Variants in CNTNAP5 observed in about 807,000 individuals in gnomAD.
The protein encoded by CNTNAP5 is contactin associated protein family member 5.
Under a neutral mutation model 150.2 loss-of-function variants are expected in CNTNAP5, and 72 were observed. The observed-to-expected ratio is 0.48, with a 90% CI of 0.40 to 0.58. The LOEUF (loss-of-function observed/expected upper bound fraction) is 0.58, where lower values mean the gene tolerates loss of function less well. CNTNAP5 is among the 20% of genes least tolerant of loss of function. The probability of loss-of-function intolerance (pLI) is 0.00; values close to 1 mark genes in which losing one functional copy is unlikely to be tolerated. For synonymous variants in CNTNAP5, 672 were observed against 619.8 expected, an observed-to-expected ratio of 1.08 and a Z score of -1.25; for missense variants, 1,636 against 1,626.2, an observed-to-expected ratio of 1.01 and a Z score of -0.10.
chr2:124,161,499 T>C (rs1306208769), intron 1 of CNTNAP5, among the ~76,000 whole-genome samples: 1 of 152,156 alleles, frequency 6.6e-6, no homozygotes. Flanking sequence ...TAGAGGCTAT[T>C]AGCAGTCAGC....
At chr2:124,766,295 G>A (rs901502391) in intron 16 of CNTNAP5, among the ~76,000 whole-genome samples, 16 of 151,854 alleles carry the variant, frequency 1.1e-4, no homozygotes, top group African/African-American at 3.9e-4. Flanking sequence ...GTTTGATTGA[G>A]GCAATTGACC....
chr2:124,896,762 C>G (rs1351134254), intron 21 of CNTNAP5, among the ~76,000 whole-genome samples: 1 of 151,438 alleles, frequency 6.6e-6, no homozygotes, highest in Non-Finnish European at 1.5e-5. Context: ...TGGTCTCGAA[C>G]TCATGACTTC....
chr2:124,227,899 C>T (rs1037424109), intron 2 of CNTNAP5, among the ~76,000 whole-genome samples: 1 of 151,884 alleles, frequency 6.6e-6, no homozygotes, highest in African/African-American at 2.4e-5. Context: ...TACACATACA[C>T]ATACACACAC....
chr2:124,051,307 G>C (rs1025490430), intron 1 of CNTNAP5, among the ~76,000 whole-genome samples: 1 of 152,132 alleles, frequency 6.6e-6, no homozygotes, highest in Non-Finnish European at 1.5e-5. Flanking sequence ...TCTGATGCAG[G>C]CTCCACTCTA....
chr2:124,527,115 A>G (rs890286544), intron 9 of CNTNAP5, among the ~76,000 whole-genome samples, 170 bp from the exon 10 acceptor site: 2 of 152,160 alleles, frequency 1.3e-5, no homozygotes, highest in East Asian at 3.9e-4. Flanking sequence ...ATTTTGTACC[A>G]ATTCTGTCCC....
At chr2:124,343,367 A>C (rs1359502675) in intron 3 of CNTNAP5, among the ~76,000 whole-genome samples, 1 of 152,314 alleles carries the variant, frequency 6.6e-6, no homozygotes, top group Admixed American at 6.5e-5. Flanking sequence ...ATGTTTTCAT[A>C]TAATTTAACA....
intron 4 of CNTNAP5, among the ~76,000 whole-genome samples, chr2:124,428,695 G>A (rs1257335345): frequency 6.7e-6 from 1 of 149,592 alleles, no homozygotes; most frequent in African/African-American, 2.5e-5. Context: ...TTGAGCTTTG[G>A]TTTTCCTACT....
chr2:124,760,333 G>T (rs976492627), intron 14 of CNTNAP5, among the ~76,000 whole-genome samples: 5 of 151,930 alleles, frequency 3.3e-5, no homozygotes, highest in African/African-American at 1.2e-4. Flanking sequence ...AAAACCCACT[G>T]TAATTTTTAA....
At chr2:124,129,682 C>T (rs1379438310) in intron 1 of CNTNAP5, among the ~76,000 whole-genome samples, 1 of 152,154 alleles carries the variant, frequency 6.6e-6, no homozygotes, top group Admixed American at 6.6e-5. Flanking sequence ...ATAGGCACAT[C>T]TTGCCCCAAC....
intron 5 of CNTNAP5, among the ~76,000 whole-genome samples, chr2:124,436,459 A>G (rs1220634969): frequency 1.3e-5 from 2 of 152,064 alleles, no homozygotes; most frequent in Non-Finnish European, 2.9e-5. Flanking sequence ...CAGTTTCTTT[A>G]TTTCTAATCT....
intron 1 of CNTNAP5, among the ~76,000 whole-genome samples, chr2:124,056,641 A>C (rs56382709): frequency 6.6e-6 from 1 of 151,816 alleles, no homozygotes; most frequent in Non-Finnish European, 1.5e-5. Flanking sequence ...GCGAGACTCC[A>C]TCTCAAAAAC....
chr2:124,026,856 ACT>A (rs1351101527), intron 1 of CNTNAP5, among the ~76,000 whole-genome samples: 2 of 151,976 alleles, frequency 1.3e-5, no homozygotes, highest in Non-Finnish European at 2.9e-5. Flanking sequence ...TTTCTACCTC[ACT>A]CTCCACCCAG....
At chr2:124,054,787 C>G (rs1007370114) in intron 1 of CNTNAP5, among the ~76,000 whole-genome samples, 1 of 152,166 alleles carries the variant, frequency 6.6e-6, no homozygotes, top group Non-Finnish European at 1.5e-5. Flanking sequence ...CCCTCACCTG[C>G]TCTGGGTGAA....
chr2:124,848,660 T>G (rs1279490519), intron 19 of CNTNAP5, among the ~76,000 whole-genome samples: 1 of 152,164 alleles, frequency 6.6e-6, no homozygotes, highest in African/African-American at 2.4e-5. Flanking sequence ...TTGCCAACAC[T>G]TGCTACCTAT....
chr2:124,244,868 T>C (rs1686979283), intron 3 of CNTNAP5, among the ~76,000 whole-genome samples: 1 of 152,146 alleles, frequency 6.6e-6, no homozygotes, highest in African/African-American at 2.4e-5. Flanking sequence ...GGTGATTCAA[T>C]GTTAACATCT....
chr2:124,145,811 T>TAAAAAAAAAAAAA (rs761766577), intron 1 of CNTNAP5, among the ~76,000 whole-genome samples: 12 of 12,790 alleles, frequency 9.4e-4, no homozygotes, highest in Non-Finnish European at 1.2e-3. Flanking sequence ...AAAAAAAACA[T>TAAAAAAAAAAAAA]TAAAAAAAAA....
chr2:124,425,698 T>G (rs1692223447), intron 4 of CNTNAP5, among the ~76,000 whole-genome samples: 1 of 152,120 alleles, frequency 6.6e-6, no homozygotes, highest in Non-Finnish European at 1.5e-5. Flanking sequence ...ATTAGGGTAA[T>G]AAGTTGTAGG....
At chr2:124,090,221 T>C (rs1682782743) in intron 1 of CNTNAP5, among the ~76,000 whole-genome samples, 2 of 152,232 alleles carry the variant, frequency 1.3e-5, no homozygotes, top group South Asian at 4.1e-4. Context: ...AGGATGATTA[T>C]AAAATTACAC....
intron 19 of CNTNAP5, among the ~76,000 whole-genome samples, chr2:124,844,558 G>A (rs1251843145): frequency 6.6e-6 from 1 of 151,890 alleles, no homozygotes; most frequent in Admixed American, 6.6e-5. Context: ...TGTTTTGATG[G>A]GAATTGTATT....
Sources: gnomAD v4.1 joint callset for allele counts (sites outside exome capture counted in the v4.1 genomes callset) on GRCh38, gnomAD v4.1.1 for gene constraint, MANE v1.5 for transcripts, NCBI Gene and HGNC (gene_info 2026-07-23, HGNC 2026-07-21) for gene names.